The following CORO6 variants were observed in gnomAD, a reference collection of about 807,000 sequenced individuals.
CORO6 encodes coronin 6.
CORO6 carries 43 observed loss-of-function variants against 49.0 expected under a neutral mutation model. That is an observed-to-expected ratio of 0.88 (90% CI 0.69 to 1.13). The LOEUF is 1.13. Ranked by LOEUF, CORO6 falls within the 50% of genes most tolerant of loss-of-function variation. CORO6 has a pLI of 0.00. For synonymous variants in CORO6, 233 were observed against 256.5 expected, an observed-to-expected ratio of 0.91 and a Z score of 0.88; for missense variants, 650 against 647.0, an observed-to-expected ratio of 1.00 and a Z score of -0.05.
In CORO6 at chr17:29,617,011, T is replaced by C. The variant is rs746282111; in HGVS notation, c.785A>G (p.Glu262Gly). Reference sequence around the variant, plus strand: ...TAGGACCCCGTTGCTTGTGTCCATCTCCTGCAGTGCCACTGGCTCCTCGAA... The same window carrying C: ...TAGGACCCCGTTGCTTGTGTCCATCCCCTGCAGTGCCACTGGCTCCTCGAA... ...NNFEEPVALQ[E>G]MDTSNGVLLP... is the part of the protein sequence containing the mutation. The change falls in exon 7 of 11, where the codon GAG becomes GGG. Residue 262 changes from glutamate to glycine, a missense_variant. Glu to Gly is a moderately conservative substitution (Grantham distance 98, BLOSUM62 -2). Transcript: ENST00000388767. The C allele has an allele frequency of 6.2e-7, 1 of 1,613,604 alleles. No homozygotes were observed.
intron 6 of CORO6, 147 bp downstream of exon 6, chr17:29,617,353 G>T (rs1379510448): frequency 1.3e-6 from 2 of 1,541,822 alleles, no homozygotes; most frequent in Admixed American, 1.9e-5. Context: ...GGGCAGAGGG[G>T]TGGGTGTGAG....
Position 29,619,688 on chromosome 17 carries a change from T to A in CORO6, c.284A>T (p.Asn95Ile). 6.2e-7 allele frequency: 1 copy of A among 1,613,754 alleles called. No individual in the cohort carries two copies. Among genetic ancestry groups the A allele is most frequent in the South Asian group, 1.1e-5 (1 of 91,064 alleles). ...LDIDWCPHND[N>I]VIASASDDTT... is the part of the protein sequence containing the mutation. ...GTCGTCTGAGGCACTGGCGATAACG[T>A]TGTCATTGTGTGGACACCAGTCAAT... Residue 95 changes from asparagine (N) to isoleucine (I), a missense_variant, in exon 3 of 11, where the codon AAC (asparagine) becomes ATC (isoleucine). Asn to Ile is a moderately radical substitution (Grantham distance 149). Coordinates refer to ENST00000388767, the MANE Select transcript of CORO6 (RefSeq NM_032854.4).
chr17:29,621,371 C>T lies in CORO6; in HGVS notation c.51G>A (p.Gln17=), dbSNP rs750964417. The change falls in exon 2 of 11, where the codon CAG becomes CAA. Residue 17 remains glutamine (Q), a synonymous_variant. Coordinates refer to ENST00000388767, the MANE Select transcript of CORO6 (RefSeq NM_032854.4). The surrounding 1 kb of genome is among the most constrained non-coding windows in gnomAD (Gnocchi z 4.2). Reference sequence around the variant, plus strand: ...CGTAGGCCTGGTCGGCCTTTGCTGCCTGCCCAAACACATGGCGGAACTTGC... The same window carrying T: ...CGTAGGCCTGGTCGGCCTTTGCTGCTTGCCCAAACACATGGCGGAACTTGC... The part of the protein sequence containing the change: ...RQSKFRHVFG[Q]AAKADQAYED... 11 of 1,613,988 alleles carry T rather than the reference C, an allele frequency of 6.8e-6. No individual in the cohort carries two copies. Among genetic ancestry groups the T allele is most frequent in the Admixed American group, 5.0e-5 (3 of 59,994 alleles).
chr17:29,616,412 G>A lies in CORO6; in HGVS notation c.1005-76C>T. The A allele has an allele frequency of 1.2e-5, 17 of 1,417,180 alleles. No individual in the cohort carries two copies. The highest frequency in any genetic ancestry group is 1.5e-5 in the Non-Finnish European group (16 of 1,034,872). The allele number at this position is 1,417,180 out of a possible 1,614,324, so 87.8% of individuals were successfully genotyped here. A position where few individuals can be genotyped will look rare whatever the true frequency, so the allele number is the denominator to read the frequency against. On this transcript the variant is annotated intron_variant, in intron 8 of 10. Transcript: ENST00000388767. The surrounding 1 kb of genome is among the most constrained non-coding windows in gnomAD (Gnocchi z 5.6). ...TCTCCTGTCTAAGACCAAGGGGGTT[G>A]GAGGCCAACACTTGCTCAGCGCCTA...
At position 29,621,348 on chromosome 17, in the gene CORO6, T is replaced by C. The variant is rs775308342; in HGVS notation, c.74A>G (p.Tyr25Cys). ...FGQAAKADQA[Y>C]EDIRVSKVTW... The stretch of plus-strand genomic sequence containing the variant: ...GACCTTGGACACACGGATGTCCTCG[T>C]AGGCCTGGTCGGCCTTTGCTGCCTG... Residue 25 changes from tyrosine to cysteine, a missense_variant, in exon 2 of 11, where the codon TAC becomes TGC. Physicochemically the swap from Tyr to Cys is radical, Grantham distance 194. Coordinates refer to ENST00000388767, the MANE Select transcript of CORO6 (RefSeq NM_032854.4). The surrounding 1 kb of genome is among the most constrained non-coding windows in gnomAD (Gnocchi z 4.2). The C allele has an allele frequency of 4.3e-6, 7 of 1,614,222 alleles. No individual in the cohort carries two copies. Among genetic ancestry groups the C allele is most frequent in the Middle Eastern group, 1.6e-4 (1 of 6,062 alleles).
At position 29,615,806 on chromosome 17, in the gene CORO6, G is replaced by T. The variant is rs778034169; in HGVS notation, c.1345C>A (p.Arg449=). The T allele has an allele frequency of 5.7e-6, 9 of 1,570,500 alleles. No homozygotes were observed. The South Asian group carries it at 9.3e-5, about 16-fold the overall frequency. The change falls in exon 11 of 11, where the codon CGG becomes AGG. Residue 449 remains arginine (R), a synonymous_variant. Coordinates refer to ENST00000388767, the MANE Select transcript of CORO6 (RefSeq NM_032854.4). ...ATGCGCTGCTCCTGGGCCTGCACCC[G>T]CTCGCGGAGGGCCTTGATCTCTTCC... ...LLEEIKALRE[R]VQAQEQRITA...
At chr17:29,618,246 G>A in intron 5 of CORO6, 1 of 1,309,784 alleles carries the variant, frequency 7.6e-7, no homozygotes, top group Non-Finnish European at 9.7e-7. Context: ...ACGCAGACAT[G>A]CACGCGGCCC....
chr17:29,618,447 TGA>T, intron 5 of CORO6: 1 of 1,268,142 alleles, frequency 7.9e-7, no homozygotes, highest in Non-Finnish European at 9.9e-7. Context: ...GGGTGCCGGC[TGA>T]GAGGAGAGGG....
intron 4 of CORO6, 35 bp from the exon 5 acceptor site, chr17:29,619,006 C>T (rs928633072): frequency 6.2e-7 from 1 of 1,612,180 alleles, no homozygotes. Context: ...CACCTGGGTC[C>T]CACCTTTGCC....
At position 29,621,401 on chromosome 17, in the gene CORO6, C is replaced by A. The variant is rs1383816459; in HGVS notation, c.21G>T (p.Arg7=). The A allele has an allele frequency of 6.2e-7, 1 of 1,611,988 alleles. No homozygotes were observed. The change falls in exon 2 of 11, where the codon CGG becomes CGT. Residue 7 remains arginine (R), a synonymous_variant. Coordinates refer to ENST00000388767, the MANE Select transcript of CORO6 (RefSeq NM_032854.4). This position sits in a 1 kb window ranked among gnomAD's most constrained non-coding sequence, Gnocchi z 4.2. ...CAAACACATGGCGGAACTTGCTTTGCCGAACCACACGTCTGCTCATAGCTG... is the reference window on the plus strand; with the variant it reads ...CAAACACATGGCGGAACTTGCTTTGACGAACCACACGTCTGCTCATAGCTG... MSRRVV[R]QSKFRHVFGQ... is the part of the protein sequence containing the mutation.
Position 29,617,025 on chromosome 17 carries a change from T to C in CORO6, c.771A>G (p.Pro257=), listed in dbSNP as rs773886858. The change falls in exon 7 of 11, where the codon CCA becomes CCG. Residue 257 remains proline (P), a synonymous_variant. Transcript: ENST00000388767. The part of the protein sequence containing the change: ...GLWDPNNFEE[P]VALQEMDTSN... ...TTGTGTCCATCTCCTGCAGTGCCAC[T>C]GGCTCCTCGAAGTTGTTCTGCCCGA... is the stretch of plus-strand genomic sequence containing the variant. 6.2e-7 allele frequency: 1 copy of C among 1,613,618 alleles called. No homozygotes were observed. Among genetic ancestry groups the C allele is most frequent in the South Asian group, 1.1e-5 (1 of 91,082 alleles).
chr17:29,615,785 G>A lies in CORO6; in HGVS notation c.1366C>T (p.Arg456Cys), dbSNP rs1406108340. Residue 456 changes from arginine to cysteine, a missense_variant, in exon 11 of 11, where the codon CGC becomes TGC. Coordinates refer to ENST00000388767, the MANE Select transcript of CORO6 (RefSeq NM_032854.4). The stretch of plus-strand genomic sequence containing the variant: ...AGCATGTTCTCCAGAGCCGTGATGC[G>A]CTGCTCCTGGGCCTGCACCCGCTCG... ...LRERVQAQEQRITALENMLCE... is the reference protein window; with the variant it reads ...LRERVQAQEQCITALENMLCE... 10 of 1,559,272 alleles carry A rather than the reference G, an allele frequency of 6.4e-6. No individual in the cohort carries two copies. Among genetic ancestry groups the A allele is most frequent in the East Asian group, 2.4e-5 (1 of 41,826 alleles).
At position 29,619,774 on chromosome 17, in the gene CORO6, C is replaced by T; in HGVS notation, c.199-1G>A. 6.2e-7 allele frequency: 1 copy of T among 1,606,266 alleles called. No individual in the cohort carries two copies. Among genetic ancestry groups the T allele is most frequent in the Non-Finnish European group, 8.5e-7 (1 of 1,173,390 alleles). ...GGTAGTTCTTATCCACTCGCCCTGT[C>T]TGAGGGGTTGGAGAAGAAGATGTGG... On this transcript the variant is annotated splice_acceptor_variant, in intron 2 of 10. Coordinates refer to ENST00000388767, the MANE Select transcript of CORO6 (RefSeq NM_032854.4). LOFTEE classifies it high-confidence loss of function.
chr17:29,618,484 G>GGT lies in CORO6; in HGVS notation c.633+304_633+305dup, dbSNP rs1198965214. The stretch of plus-strand genomic sequence containing the variant: ...GGTCCAGGAGCTCAGGTTTCATGCA[G>GGT]GTTCTGGTGGGAGGATGGAGTTTCC... On this transcript the variant is annotated intron_variant, in intron 5 of 10. Transcript: ENST00000388767. The GGT allele has an allele frequency of 5.4e-6, 7 of 1,307,434 alleles. No individual in the cohort carries two copies. In the Admixed American group the frequency reaches 2.2e-4, roughly 41 times the overall value. 81.0% of individuals were successfully genotyped at this position (1,307,434 alleles called of 1,614,324 possible).
Position 29,616,357 on chromosome 17 carries a change from G to C in CORO6, c.1005-21C>G, listed in dbSNP as rs752002811. The C allele has an allele frequency of 6.3e-6, 10 of 1,587,440 alleles. No homozygotes were observed. In the African/African-American group the frequency reaches 1.1e-4, roughly 17 times the overall value. On this transcript the variant is annotated intron_variant, in intron 8 of 10. Transcript: ENST00000388767. The surrounding 1 kb of genome is among the most constrained non-coding windows in gnomAD (Gnocchi z 5.6). ...AGAACCTATAAGGGAGCAGGGTTCA[G>C]CACCCTCGCAGACTTCCACGTCCTT...
chr17:29,616,706 C>A lies in CORO6; in HGVS notation c.1000G>T (p.Ala334Ser), dbSNP rs762189593. 1.2e-6 allele frequency: 2 copies of A among 1,611,416 alleles called. No individual in the cohort carries two copies. The highest frequency in any genetic ancestry group is 1.7e-6 in the Non-Finnish European group (2 of 1,178,156). Residue 334 changes from alanine (A) to serine (S), a missense_variant, in exon 8 of 11, where the codon GCC becomes TCC. Coordinates refer to ENST00000388767, the MANE Select transcript of CORO6 (RefSeq NM_032854.4). The surrounding 1 kb of genome is among the most constrained non-coding windows in gnomAD (Gnocchi z 5.6). ...GGAGGGGCCAAGGCTGCTGACCGGG[C>A]GATCTCACACTTGCTGACATCCAGT... ...RGLDVSKCEI[A>S]RFYKLHERKC...
Position 29,621,461 on chromosome 17 carries a change from G to A in CORO6, c.-40C>T. The stretch of plus-strand genomic sequence containing the variant: ...AGGTAGGATCTCAGTGCCCAGAAAT[G>A]CCTTTGGTCCTTAGTCCTGTGAGCT... On this transcript the variant is annotated 5_prime_UTR_variant, in exon 2 of 11. Coordinates refer to ENST00000388767, the MANE Select transcript of CORO6 (RefSeq NM_032854.4). This position sits in a 1 kb window ranked among gnomAD's most constrained non-coding sequence, Gnocchi z 4.2. The A allele has an allele frequency of 1.3e-6, 2 of 1,564,584 alleles. No homozygotes were observed. Among genetic ancestry groups the A allele is most frequent in the South Asian group, 2.3e-5 (2 of 85,786 alleles).
At position 29,619,159 on chromosome 17, in the gene CORO6, G is replaced by C. The variant is rs375463631; in HGVS notation, c.352C>G (p.Arg118Gly). The change falls in exon 4 of 11, where the codon CGC (arginine) becomes GGC (glycine). Residue 118 changes from arginine to glycine, a missense_variant. Physicochemically the swap from Arg to Gly is moderately radical, Grantham distance 125. Coordinates refer to ENST00000388767, the MANE Select transcript of CORO6 (RefSeq NM_032854.4). The part of the protein sequence containing the change: ...VWQIPDYTPM[R>G]NITEPIITLE... The stretch of plus-strand genomic sequence containing the variant: ...GTGATGATAGGTTCCGTAATGTTGC[G>C]CATGGGGGTATAGTCTGGAATCTGC... The C allele has an allele frequency of 1.9e-6, 3 of 1,613,660 alleles. No homozygotes were observed. Among genetic ancestry groups the C allele is most frequent in the Admixed American group, 3.3e-5 (2 of 59,970 alleles).
At position 29,622,747 on chromosome 17, in the gene CORO6, G is replaced by A. The variant is rs1202099824; in HGVS notation, c.-123C>T. The A allele has an allele frequency of 2.3e-6, 3 of 1,319,810 alleles. No homozygotes were observed. The highest frequency in any genetic ancestry group is 1.2e-5 in the South Asian group (1 of 81,644). The allele number at this position is 1,319,810 out of a possible 1,614,324, so 81.8% of individuals were successfully genotyped here. A position where few individuals can be genotyped will look rare whatever the true frequency, so the allele number is the denominator to read the frequency against. On this transcript the variant is annotated 5_prime_UTR_variant, in exon 1 of 11. Transcript: ENST00000388767. ...CGAATCCTCTGCGGAAGGGGCCCGA[G>A]TGCGTAGGGGGCCGAGGAAGGCTTC... is the stretch of plus-strand genomic sequence containing the variant.
Sources: gnomAD v4.1 joint callset for allele counts on GRCh38, gnomAD v4.1.1 for gene constraint, Gnocchi (gnomAD v3.1) non-coding constraint, MANE v1.5 for transcripts, NCBI Gene and HGNC (gene_info 2026-07-23, HGNC 2026-07-21) for gene names.